Variants in CNTNAP2 observed in about 807,000 individuals in gnomAD.
The protein encoded by CNTNAP2 is contactin-associated protein-like 2.
Under a neutral mutation model 155.2 loss-of-function variants are expected in CNTNAP2, and 98 were observed. The ratio of observed to expected loss-of-function variants is 0.63; its 90% CI spans 0.54 to 0.75. The LOEUF is 0.75. CNTNAP2 is among the 30% of genes least tolerant of loss of function. CNTNAP2 has a pLI of 0.00. For synonymous variants in CNTNAP2, 651 were observed against 631.2 expected (o/e 1.03, Z -0.47); for missense variants, 1,727 against 1,688.1 (o/e 1.02, Z -0.40).
intron 1 of CNTNAP2, among the ~76,000 whole-genome samples, chr7:146,581,670 A>G (rs1308657869): frequency 6.7e-6 from 1 of 149,376 alleles, no homozygotes; most frequent in African/African-American, 2.5e-5. Flanking sequence ...AAAAAAAAAA[A>G]GGATTATTTG....
chr7:146,185,669 A>G (rs1235044311), intron 1 of CNTNAP2, among the ~76,000 whole-genome samples: 1 of 152,180 alleles, frequency 6.6e-6, no homozygotes, highest in Non-Finnish European at 1.5e-5. Flanking sequence ...GGCTTGATAA[A>G]GCAATTCCTC....
At chr7:147,651,398 C>T (rs182763945) in intron 13 of CNTNAP2, among the ~76,000 whole-genome samples, 32 of 152,330 alleles carry the variant, frequency 2.1e-4, no homozygotes, top group African/African-American at 7.7e-4. Flanking sequence ...TGCAGCAACA[C>T]CTGGAAGAGT....
At chr7:147,760,354 G>T (rs1444767876) in intron 13 of CNTNAP2, among the ~76,000 whole-genome samples, 1 of 152,078 alleles carries the variant, frequency 6.6e-6, no homozygotes, top group Non-Finnish European at 1.5e-5. Context: ...TTAAACGTCA[G>T]ATTTGGGAGT....
rs1304004809 is a variant in CNTNAP2 at position 146,823,362 on chromosome 7, A to T, written c.209-16349A>T. Among the ~76,000 whole-genome samples, 3 of 144,218 alleles carry T rather than the reference A, an allele frequency of 2.1e-5. No individual in the cohort carries two copies. The East Asian group carries it at 6.6e-4, about 32-fold the overall frequency. 94.6% of individuals were successfully genotyped at this position (144,218 alleles called of 152,430 possible). A position where few individuals can be genotyped will look rare whatever the true frequency, so the allele number is the denominator to read the frequency against. The stretch of plus-strand genomic sequence containing the variant: ...TTCCATGTAAATATACTCATTCTTC[A>T]GTATATTTCCATGTAAATATACTCA... On this transcript the variant is annotated intron_variant, in intron 2 of 23. Coordinates refer to ENST00000361727, the MANE Select transcript of CNTNAP2 (RefSeq NM_014141.6).
At chr7:147,492,358 C>T (rs144262578) in intron 11 of CNTNAP2, among the ~76,000 whole-genome samples, 4 of 152,118 alleles carry the variant, frequency 2.6e-5, no homozygotes, top group Non-Finnish European at 5.9e-5. Context: ...GGGTTGGGGA[C>T]CCCTTACATC....
intron 9 of CNTNAP2, among the ~76,000 whole-genome samples, chr7:147,324,510 G>A (rs946952431): frequency 6.6e-6 from 1 of 151,428 alleles, no homozygotes; most frequent in African/African-American, 2.4e-5. Context: ...TTTATAGAAA[G>A]GTGTGTTCTT....
intron 3 of CNTNAP2, among the ~76,000 whole-genome samples, chr7:147,034,539 G>A (rs1252237372): frequency 2.0e-5 from 3 of 152,138 alleles, no homozygotes; most frequent in East Asian, 1.9e-4. Context: ...TGTGTTAATC[G>A]GTTCAATTAG....
intron 14 of CNTNAP2, among the ~76,000 whole-genome samples, chr7:147,946,289 T>A (rs1412978909): frequency 6.6e-6 from 1 of 152,152 alleles, no homozygotes; most frequent in South Asian, 2.1e-4. Flanking sequence ...ATTAACATTG[T>A]GCTGCCATGT....
chr7:147,094,212 G>A (rs905101229), intron 4 of CNTNAP2, among the ~76,000 whole-genome samples: 4 of 152,096 alleles, frequency 2.6e-5, no homozygotes, highest in Non-Finnish European at 5.9e-5. Context: ...CCTCATTTCT[G>A]TCTGAGACCT....
rs771048326 is a variant in CNTNAP2 at position 148,076,422 on chromosome 7, C to CTTTT, written c.2384-41668_2384-41665dup. Among the ~76,000 whole-genome samples the CTTTT allele has an allele frequency of 5.9e-3, 293 of 49,822 alleles. 22 individuals are homozygous for CTTTT. Among genetic ancestry groups the CTTTT allele is most frequent in the Middle Eastern group, 0.019 (1 of 52 alleles). The allele number at this position is 49,822 out of a possible 152,430, so 32.7% of individuals were successfully genotyped here. ...TGTAGACCTATGATAGCTCTGACTTCTTTTTTTTTTTTTTTTTTTTTTTTT... is the reference window on the plus strand; with the variant it reads ...TGTAGACCTATGATAGCTCTGACTTCTTTTTTTTTTTTTTTTTTTTTTTTTTTTT... On this transcript the variant is annotated intron_variant, in intron 15 of 23. Transcript: ENST00000361727.
chr7:148,378,068 CCA>C lies in CNTNAP2; in HGVS notation c.3476-5580_3476-5579del, dbSNP rs1563064423. Among the ~76,000 whole-genome samples, 2 of 67,860 alleles carry C rather than the reference CCA, an allele frequency of 2.9e-5. 1 individual carries two copies. Among genetic ancestry groups the C allele is most frequent in the Non-Finnish European group, 8.3e-5 (2 of 24,160 alleles). The allele number at this position is 67,860 out of a possible 152,430, so 44.5% of individuals were successfully genotyped here. On this transcript the variant is annotated intron_variant, in intron 21 of 23. Transcript: ENST00000361727. Reference sequence around the variant, plus strand: ...ACGATGGGTGTATGGGGAGGTAACCCCATTATACGTTGAAAAGCATCTGTATA... The same window carrying C: ...ACGATGGGTGTATGGGGAGGTAACCCTTATACGTTGAAAAGCATCTGTATA...
intron 13 of CNTNAP2, among the ~76,000 whole-genome samples, chr7:147,757,016 G>C (rs74778875): frequency 0.18 from 27,576 of 152,124 alleles, 2,972 homozygotes; most frequent in Middle Eastern, 0.38. Context: ...TAAACCTCTG[G>C]TTGAATAACC....
intron 8 of CNTNAP2, among the ~76,000 whole-genome samples, chr7:147,189,160 A>G (rs1247065568): frequency 6.6e-6 from 1 of 152,166 alleles, no homozygotes; most frequent in East Asian, 1.9e-4. Flanking sequence ...TTTCTCTCCT[A>G]AGCAAAATAA....
At chr7:147,817,631 G>A (rs1450987395) in intron 13 of CNTNAP2, among the ~76,000 whole-genome samples, 3 of 152,064 alleles carry the variant, frequency 2.0e-5, no homozygotes, top group African/African-American at 4.8e-5. Context: ...AAGGCCGGGC[G>A]TGGTGGCTCA....
intron 15 of CNTNAP2, among the ~76,000 whole-genome samples, chr7:148,025,877 T>C (rs1272412377): frequency 6.6e-6 from 1 of 152,180 alleles, no homozygotes; most frequent in African/African-American, 2.4e-5. Context: ...AAACAAGTAT[T>C]TTTGGAAATA....
intron 1 of CNTNAP2, among the ~76,000 whole-genome samples, chr7:146,547,935 C>A (rs1356936218): frequency 6.6e-6 from 1 of 151,618 alleles, no homozygotes; most frequent in Non-Finnish European, 1.5e-5. Context: ...GCTCCATATC[C>A]TCACAGACAC....
At chr7:146,978,947 T>C (rs1797963937) in intron 3 of CNTNAP2, among the ~76,000 whole-genome samples, 1 of 152,094 alleles carries the variant, frequency 6.6e-6, no homozygotes, top group Non-Finnish European at 1.5e-5. Flanking sequence ...TTTAAAAGTT[T>C]GAGATTTTGA....
chr7:146,716,440 A>G (rs1035474769), intron 1 of CNTNAP2, among the ~76,000 whole-genome samples: 1 of 152,186 alleles, frequency 6.6e-6, no homozygotes, highest in African/African-American at 2.4e-5. Flanking sequence ...TTTTTGTTTA[A>G]TAAGTTTAAA....
intron 3 of CNTNAP2, among the ~76,000 whole-genome samples, 182 bp from the exon 4 acceptor site, chr7:147,043,725 C>T (rs1799302826): frequency 6.6e-6 from 1 of 152,138 alleles, no homozygotes; most frequent in Non-Finnish European, 1.5e-5. Flanking sequence ...ACCTGTTTTC[C>T]ACTTAAAACT....
Sources: gnomAD v4.1 joint callset for allele counts (sites outside exome capture counted in the v4.1 genomes callset) on GRCh38, gnomAD v4.1.1 for gene constraint, MANE v1.5 for transcripts, NCBI Gene and HGNC (gene_info 2026-07-23, HGNC 2026-07-21) for gene names.